TDRD3: variants seen among roughly 807,000 people sequenced by gnomAD.
TDRD3 encodes the protein tudor domain-containing protein 3.
Under a neutral mutation model 86.7 loss-of-function variants are expected in TDRD3, and 45 were observed. The ratio of observed to expected loss-of-function variants is 0.52; its 90% CI spans 0.41 to 0.67. The LOEUF (loss-of-function observed/expected upper bound fraction) is 0.67. Ranked by LOEUF, TDRD3 falls within the 30% of genes least tolerant of loss-of-function variation. TDRD3 has a pLI of 0.00. For missense variants in TDRD3, 814 were observed against 889.0 expected, an observed-to-expected ratio of 0.92 and a Z score of 1.07; for synonymous variants, 298 against 301.7, an observed-to-expected ratio of 0.99 and a Z score of 0.13.
intron 5 of TDRD3, among the ~76,000 whole-genome samples, chr13:60,473,722 CAA>C (rs1459778377): frequency 2.6e-5 from 4 of 152,310 alleles, no homozygotes; most frequent in South Asian, 4.1e-4. Context: ...GACCAGAAGA[CAA>C]GAGTGTGAGC....
chr13:60,469,072 A>T (rs1324197061), intron 5 of TDRD3, among the ~76,000 whole-genome samples: 2 of 152,248 alleles, frequency 1.3e-5, no homozygotes, highest in East Asian at 3.9e-4. Flanking sequence ...CTAATTTCTT[A>T]TGATACTAAT....
At position 60,497,194 on chromosome 13, in the gene TDRD3, C is replaced by T. The variant is rs149939798; in HGVS notation, c.858+2619C>T. Among the ~76,000 whole-genome samples the T allele has an allele frequency of 5.0e-3, 758 of 152,124 alleles. 3 individuals carry two copies. The highest frequency in any genetic ancestry group is 0.024 in the Middle Eastern group (7 of 294). ...GTGAACAGCAGTGGTGGATGGCAAG[C>T]GAAAGCTCAGCTTGAGTCTTAACAA... On this transcript the variant is annotated intron_variant, in intron 8 of 13. Coordinates refer to ENST00000377881, the MANE Select transcript of TDRD3 (RefSeq NM_001146070.2).
At chr13:60,453,270 A>C (rs1229791307) in intron 3 of TDRD3, among the ~76,000 whole-genome samples, 2 of 152,228 alleles carry the variant, frequency 1.3e-5, no homozygotes, top group African/African-American at 4.8e-5. Flanking sequence ...AGCAAGAAAC[A>C]ATCCTAAACA....
At chr13:60,402,443 A>C (rs1043567891) in intron 1 of TDRD3, among the ~76,000 whole-genome samples, 1 of 152,228 alleles carries the variant, frequency 6.6e-6, no homozygotes, top group African/African-American at 2.4e-5. Flanking sequence ...CCATTCCAGT[A>C]CATCTCTTAG....
rs533322329 is a variant in TDRD3, at chr13:60,524,908, C to T, written c.1142-3459C>T. Among the ~76,000 whole-genome samples, 4 of 151,274 alleles carry T rather than the reference C, an allele frequency of 2.6e-5. No individual in the cohort carries two copies. The East Asian group carries it at 6.0e-4, about 23-fold the overall frequency. On this transcript the variant is annotated intron_variant, in intron 10 of 13. Transcript: ENST00000377881. ...GGTCAGGAGTTTGAGACCAGTCTGG[C>T]CAACCCCGTCTCTACTAAAAATACA...
intron 5 of TDRD3, among the ~76,000 whole-genome samples, chr13:60,470,772 G>A (rs1956061550): frequency 6.6e-6 from 1 of 151,776 alleles, no homozygotes; most frequent in Non-Finnish European, 1.5e-5. Flanking sequence ...TAGTAGAGAC[G>A]GGGTTTCACT....
chr13:60,400,038 A>G (rs931103632), intron 1 of TDRD3, among the ~76,000 whole-genome samples: 2 of 152,214 alleles, frequency 1.3e-5, no homozygotes, highest in African/African-American at 2.4e-5. Context: ...TTGTTCTTCA[A>G]TGGCCAGTAG....
intron 1 of TDRD3, among the ~76,000 whole-genome samples, chr13:60,399,389 G>T (rs1224857664): frequency 6.6e-6 from 1 of 152,182 alleles, no homozygotes; most frequent in African/African-American, 2.4e-5. Context: ...GACTCATAAA[G>T]GCAGTAGTAA....
At chr13:60,537,152 T>G (rs2137824669) in intron 12 of TDRD3, 1 of 152,200 alleles carries the variant, frequency 6.6e-6, no homozygotes, top group African/African-American at 2.4e-5. Context: ...CAGGATAGAA[T>G]CACTAAATCT....
Position 60,529,128 on chromosome 13 carries a change from A to G in TDRD3, c.1903A>G (p.Lys635Glu), listed in dbSNP as rs898645662. Reference protein sequence around the residue: ...KRRSGPIKPEKILESSIPMEY... With the variant: ...KRRSGPIKPEEILESSIPMEY... ...AAGATCTGGGCCAATTAAGCCAGAA[A>G]AAATACTAGAATCATCTATTCCTAT... is the stretch of plus-strand genomic sequence containing the variant. The change falls in exon 11 of 14, where the codon AAA (lysine) becomes GAA (glutamate). Residue 635 changes from lysine (K) to glutamate (E), a missense_variant. Physicochemically the swap from Lys to Glu is moderately conservative, Grantham distance 56. Transcript: ENST00000377881. 6.2e-7 allele frequency: 1 copy of G among 1,613,994 alleles called. No individual in the cohort carries two copies. Among genetic ancestry groups the G allele is most frequent in the Non-Finnish European group, 8.5e-7 (1 of 1,179,926 alleles).
intron 3 of TDRD3, among the ~76,000 whole-genome samples, chr13:60,452,629 T>C (rs12870339): frequency 0.46 from 69,948 of 151,846 alleles, 16,521 homozygotes; most frequent in South Asian, 0.55. Flanking sequence ...TAGCATATGT[T>C]GATAGTTTTT....
At chr13:60,502,397 T>G (rs1956853423) in intron 8 of TDRD3, among the ~76,000 whole-genome samples, 1 of 152,236 alleles carries the variant, frequency 6.6e-6, no homozygotes, top group African/African-American at 2.4e-5. Context: ...TGGATCATAA[T>G]TTTTCTCTCT....
chr13:60,497,297 A>C (rs1956740139), intron 8 of TDRD3, among the ~76,000 whole-genome samples: 1 of 152,150 alleles, frequency 6.6e-6, no homozygotes, highest in African/African-American at 2.4e-5. Flanking sequence ...AGGGGACCCA[A>C]AGGGGGTTGT....
intron 12 of TDRD3, among the ~76,000 whole-genome samples, chr13:60,557,094 T>C (rs1201242136): frequency 6.6e-6 from 1 of 151,142 alleles, no homozygotes; most frequent in East Asian, 2.0e-4. Context: ...TAATCCCAGC[T>C]ACTCTGGAGG....
At chr13:60,567,672 G>A (rs1958495317) in intron 13 of TDRD3, 22 bp downstream of exon 13, 2 of 1,605,744 alleles carry the variant, frequency 1.2e-6, no homozygotes, top group East Asian at 2.2e-5. Context: ...ATTGTGAAGT[G>A]GTTTTCATAT....
intron 10 of TDRD3, among the ~76,000 whole-genome samples, chr13:60,520,493 C>T (rs370951945): frequency 6.6e-6 from 1 of 152,174 alleles, no homozygotes. Flanking sequence ...CATTAGGGCT[C>T]ACCTAAACCC....
chr13:60,512,382 A>G lies in TDRD3; in HGVS notation c.1141+1627A>G, dbSNP rs111863054. On this transcript the variant is annotated intron_variant, in intron 10 of 13. Coordinates refer to ENST00000377881, the MANE Select transcript of TDRD3 (RefSeq NM_001146070.2). Reference sequence around the variant, plus strand: ...AGCCAAACCATATCGTTCCACCCCCAGCCCCTCCCAAATATCATGTCCTCA... The same window carrying G: ...AGCCAAACCATATCGTTCCACCCCCGGCCCCTCCCAAATATCATGTCCTCA... Among the ~76,000 whole-genome samples, 1,273 of 152,056 alleles carry G rather than the reference A, an allele frequency of 8.4e-3. 8 individuals are homozygous for G. Among genetic ancestry groups the G allele is most frequent in the Middle Eastern group, 0.024 (7 of 294 alleles).
At chr13:60,525,294 C>T (rs970345724) in intron 10 of TDRD3, among the ~76,000 whole-genome samples, 1 of 149,452 alleles carries the variant, frequency 6.7e-6, no homozygotes, top group African/African-American at 2.5e-5. Flanking sequence ...CCACTTCACC[C>T]TCCCGAGTAG....
At chr13:60,416,750 C>T (rs1954527145) in intron 1 of TDRD3, among the ~76,000 whole-genome samples, 1 of 152,160 alleles carries the variant, frequency 6.6e-6, no homozygotes, top group African/African-American at 2.4e-5. Context: ...TCCTTACTGG[C>T]TCTGTTACTT....
Sources: gnomAD v4.1 joint callset for allele counts (sites outside exome capture counted in the v4.1 genomes callset) on GRCh38, gnomAD v4.1.1 for gene constraint, MANE v1.5 for transcripts, NCBI Gene and HGNC (gene_info 2026-07-23, HGNC 2026-07-21) for gene names.